KIAA1217: variants seen among roughly 807,000 people sequenced by gnomAD.
The protein encoded by KIAA1217 is KIAA1217.
Under a neutral mutation model 163.9 loss-of-function variants are expected in KIAA1217, and 88 were observed. The ratio of observed to expected loss-of-function variants is 0.54; its 90% CI spans 0.45 to 0.64. KIAA1217 has a LOEUF of 0.64. Ranked by LOEUF, KIAA1217 falls within the 30% of genes least tolerant of loss-of-function variation. KIAA1217 has a pLI of 0.00. For missense variants in KIAA1217, 2,372 were observed against 2,475.0 expected (o/e 0.96, Z 0.88); for synonymous variants, 903 against 923.1 (o/e 0.98, Z 0.39).
chr10:23,966,516 G>T (rs148608995), intron 1 of KIAA1217, among the ~76,000 whole-genome samples: 200 of 152,290 alleles, frequency 1.3e-3, no homozygotes, highest in African/African-American at 4.5e-3. Context: ...TCTACCGTCA[G>T]CTGACAGCAG....
At chr10:24,289,562 C>T (rs924436144) in intron 2 of KIAA1217, among the ~76,000 whole-genome samples, 1 of 152,104 alleles carries the variant, frequency 6.6e-6, no homozygotes, top group Non-Finnish European at 1.5e-5. Flanking sequence ...AGGTTTACTG[C>T]TTGCCATCGA....
intron 14 of KIAA1217, among the ~76,000 whole-genome samples, chr10:24,530,952 T>C (rs1181541988): frequency 2.6e-5 from 4 of 151,724 alleles, no homozygotes. Flanking sequence ...CCCAGCACTT[T>C]GGGAGGCTGA....
chr10:23,930,233 G>A (rs1381899585), intron 1 of KIAA1217, among the ~76,000 whole-genome samples: 2 of 151,790 alleles, frequency 1.3e-5, no homozygotes, highest in African/African-American at 4.8e-5. Flanking sequence ...TTTAAATGGG[G>A]TTATTTGGTG....
At chr10:24,039,787 T>TATAGATATAG (rs1160632191) in intron 2 of KIAA1217, among the ~76,000 whole-genome samples, 14 of 141,986 alleles carry the variant, frequency 9.9e-5, no homozygotes, top group African/African-American at 3.5e-4. Flanking sequence ...ATTGGCATGA[T>TATAGATATAG]ATAGATATAG....
intron 1 of KIAA1217, among the ~76,000 whole-genome samples, chr10:23,734,433 C>G (rs1564375934): frequency 6.6e-6 from 1 of 151,978 alleles, no homozygotes; most frequent in East Asian, 1.9e-4. Flanking sequence ...ATTACAGGTG[C>G]ATGCCACAAC....
chr10:24,352,930 G>A (rs1470055409), intron 2 of KIAA1217, among the ~76,000 whole-genome samples: 2 of 152,024 alleles, frequency 1.3e-5, no homozygotes, highest in East Asian at 3.9e-4. Context: ...GTGGGTGGGG[G>A]TGGTGTCAGG....
Position 24,545,877 on chromosome 10 carries a change from C to A in KIAA1217, c.5385C>A (p.Pro1795=), listed in dbSNP as rs1035556238. The A allele has an allele frequency of 6.2e-7, 1 of 1,613,414 alleles. No homozygotes were observed. The change falls in exon 21 of 21, where the codon CCC becomes CCA. Residue 1795 remains proline, a synonymous_variant. Transcript: ENST00000376454. ...KSGGDFKPTS[P]SLPASKIPAL... ...GTGGGGACTTTAAGCCTACTTCCCC[C>A]TCCTTACCTGCTTCTAAGATTCCAG...
chr10:23,762,591 C>CAAAATAGGTATAGATGGAATAT (rs1834315376), intron 1 of KIAA1217, among the ~76,000 whole-genome samples: 1 of 152,046 alleles, frequency 6.6e-6, no homozygotes, highest in African/African-American at 2.4e-5. Context: ...AAACTCTCAA[C>CAAAATAGGTATAGATGGAATAT]AAAATAGGTA....
At chr10:24,301,853 T>C (rs1044082287) in intron 2 of KIAA1217, among the ~76,000 whole-genome samples, 1 of 152,150 alleles carries the variant, frequency 6.6e-6, no homozygotes, top group Admixed American at 6.5e-5. Context: ...GAGACCAGCC[T>C]GGTCAATGTG....
intron 1 of KIAA1217, among the ~76,000 whole-genome samples, chr10:23,771,343 GA>G (rs1358676038): frequency 1.3e-5 from 2 of 152,090 alleles, no homozygotes; most frequent in African/African-American, 4.8e-5. Context: ...TTGGATTTAG[GA>G]AAAGCCCACA....
At chr10:24,484,242 T>TATATATATA (rs34504704) in intron 6 of KIAA1217, among the ~76,000 whole-genome samples, 1 of 48,260 alleles carries the variant, frequency 2.1e-5, no homozygotes, top group Non-Finnish European at 4.2e-5. Flanking sequence ...TATATATATA[T>TATATATATA]TTTTTTTTTT....
At chr10:23,793,441 C>A (rs1836055509) in intron 1 of KIAA1217, among the ~76,000 whole-genome samples, 1 of 152,200 alleles carries the variant, frequency 6.6e-6, no homozygotes, top group African/African-American at 2.4e-5. Context: ...AGGCACATTC[C>A]TGTTCATGCC....
chr10:24,068,141 C>T (rs553784743), intron 2 of KIAA1217, among the ~76,000 whole-genome samples: 3 of 152,162 alleles, frequency 2.0e-5, no homozygotes, highest in African/African-American at 7.2e-5. Context: ...GTGCACTGCA[C>T]CCACTGTCCT....
intron 1 of KIAA1217, among the ~76,000 whole-genome samples, chr10:23,834,527 A>C (rs1838358880): frequency 6.6e-6 from 1 of 152,212 alleles, no homozygotes; most frequent in Non-Finnish European, 1.5e-5. Flanking sequence ...ATAAAAAATA[A>C]ACATGCCATA....
intron 2 of KIAA1217, among the ~76,000 whole-genome samples, chr10:24,128,129 G>A (rs2063530781): frequency 1.3e-5 from 2 of 152,166 alleles, no homozygotes; most frequent in Non-Finnish European, 2.9e-5. Context: ...GTTGTTAGCT[G>A]CATGATGAGA....
intron 6 of KIAA1217, chr10:24,482,139 A>C (rs1269747614): frequency 6.6e-6 from 1 of 152,088 alleles, no homozygotes; most frequent in Non-Finnish European, 1.5e-5. Context: ...CTATTCTTAC[A>C]CCAGGGATAC....
intron 1 of KIAA1217, among the ~76,000 whole-genome samples, chr10:23,994,834 G>T (rs1846393726): frequency 6.6e-6 from 1 of 152,158 alleles, no homozygotes; most frequent in South Asian, 2.1e-4. Context: ...GCGTAGGTTG[G>T]ATTTTCTCTT....
chr10:24,213,493 CTG>C (rs769867362), intron 1 of KIAA1217, among the ~76,000 whole-genome samples: 9 of 152,188 alleles, frequency 5.9e-5, no homozygotes, highest in Non-Finnish European at 1.2e-4. Context: ...CCCTCAGTCT[CTG>C]TACCCTTATC....
intron 4 of KIAA1217, among the ~76,000 whole-genome samples, chr10:24,434,251 C>T (rs548534282): frequency 1.3e-5 from 2 of 152,118 alleles, no homozygotes; most frequent in African/African-American, 2.4e-5. Context: ...GTGGGTCAGG[C>T]TGGTCTCAAA....
Sources: allele counts gnomAD v4.1 joint callset (sites outside exome capture counted in the v4.1 genomes callset), GRCh38; gene constraint gnomAD v4.1.1; transcripts MANE v1.5; gene names NCBI Gene and HGNC (gene_info 2026-07-23, HGNC 2026-07-21).